KIF26B: variants seen among roughly 807,000 people sequenced by gnomAD.
KIF26B encodes the protein kinesin-like protein KIF26B.
KIF26B carries 63 observed loss-of-function variants against 151.2 expected under a neutral mutation model. That is an observed-to-expected ratio of 0.42 (90% CI 0.34 to 0.51). The LOEUF (loss-of-function observed/expected upper bound fraction) is 0.51. Ranked by LOEUF, KIF26B falls within the 20% of genes least tolerant of loss-of-function variation. The probability of loss-of-function intolerance (pLI) is 0.07; values close to 1 mark genes in which losing one functional copy is unlikely to be tolerated. For synonymous variants in KIF26B, 1,357 were observed against 1,262.1 expected (o/e 1.08, Z -1.59); for missense variants, 2,813 against 2,913.6 (o/e 0.97, Z 0.79).
intron 5 of KIF26B, among the ~76,000 whole-genome samples, chr1:245,574,444 G>A (rs965723771): frequency 6.6e-6 from 1 of 152,060 alleles, no homozygotes; most frequent in Non-Finnish European, 1.5e-5. Context: ...ATGCCTGACC[G>A]AGACCATTTA....
At position 245,687,630 on chromosome 1, in the gene KIF26B, G is replaced by A; in HGVS notation, c.4647G>A (p.Glu1549=). The change falls in exon 12 of 15, where the codon GAG becomes GAA. Residue 1549 remains glutamate (E), a synonymous_variant. Coordinates refer to ENST00000407071, the MANE Select transcript of KIF26B (RefSeq NM_018012.4). This position sits in a 1 kb window ranked among gnomAD's most constrained non-coding sequence, Gnocchi z 4.9. Reference sequence around the variant, plus strand: ...TTCAGAAGGCCAGCCGGCAGGAGGAGCCGGACAGCCTCTCCTATTACTGCG... The same window carrying A: ...TTCAGAAGGCCAGCCGGCAGGAGGAACCGGACAGCCTCTCCTATTACTGCG... ...RAFQKASRQE[E]PDSLSYYCAA... 1 of 1,565,812 alleles carries A rather than the reference G, an allele frequency of 6.4e-7. No homozygotes were observed. The highest frequency in any genetic ancestry group is 8.7e-7 in the Non-Finnish European group (1 of 1,155,592).
At chr1:245,226,236 G>T (rs114910320) in intron 2 of KIF26B, 1 of 152,238 alleles carries the variant, frequency 6.6e-6, no homozygotes, top group African/African-American at 2.4e-5. Context: ...TCCCCTGATC[G>T]TGAAAGAGAT....
chr1:245,567,849 C>T (rs762696251), intron 5 of KIF26B, among the ~76,000 whole-genome samples: 7 of 152,016 alleles, frequency 4.6e-5, no homozygotes, highest in Non-Finnish European at 7.4e-5. Context: ...TAATTTTCAT[C>T]TGAGTTAAGA....
chr1:245,650,061 A>T (rs1245700336), intron 10 of KIF26B, among the ~76,000 whole-genome samples: 1 of 152,138 alleles, frequency 6.6e-6, no homozygotes, highest in African/African-American at 2.4e-5. Context: ...CAGGCGCCAT[A>T]AATCAGTTCT....
chr1:245,555,362 C>T (rs150826361), intron 5 of KIF26B, among the ~76,000 whole-genome samples: 104 of 152,284 alleles, frequency 6.8e-4, no homozygotes, highest in African/African-American at 2.4e-3. Context: ...TGCTCCGGGA[C>T]GCTTCTCGCC....
chr1:245,434,291 A>G (rs1029618565), intron 4 of KIF26B, among the ~76,000 whole-genome samples: 2 of 152,226 alleles, frequency 1.3e-5, no homozygotes, highest in African/African-American at 4.8e-5. Context: ...CTTTGTTTTT[A>G]CCTTTGAGGA....
intron 3 of KIF26B, among the ~76,000 whole-genome samples, chr1:245,399,754 A>T (rs573531450): frequency 6.6e-6 from 1 of 152,218 alleles, no homozygotes; most frequent in Admixed American, 6.5e-5. Context: ...TGCCCTCCAG[A>T]AAAACTTGCT....
At position 245,677,244 on chromosome 1, in the gene KIF26B, T is replaced by C. The variant is rs2044368056; in HGVS notation, c.2259-6989T>C. 2.0e-5 allele frequency among the ~76,000 whole-genome samples: 3 copies of C among 152,182 alleles called. No individual in the cohort carries two copies. In the South Asian group the frequency reaches 6.2e-4, roughly 31 times the overall value. ...GCAGGGACCTCTTCTAAGCTCTCCT[T>C]GATGAGACAACTAATCATCGTGTAC... On this transcript the variant is annotated intron_variant, in intron 10 of 14. Transcript: ENST00000407071.
At chr1:245,186,961 A>T (rs2103530656) in intron 2 of KIF26B, among the ~76,000 whole-genome samples, 1 of 151,734 alleles carries the variant, frequency 6.6e-6, no homozygotes, top group Non-Finnish European at 1.5e-5. Flanking sequence ...GATTCAAGTG[A>T]TTCTCCTGCC....
intron 2 of KIF26B, among the ~76,000 whole-genome samples, chr1:245,286,881 G>T (rs1193255566): frequency 6.6e-6 from 1 of 152,170 alleles, no homozygotes; most frequent in African/African-American, 2.4e-5. Flanking sequence ...GCCGAGATAA[G>T]CAGATCACTT....
chr1:245,451,660 G>A, intron 4 of KIF26B, among the ~76,000 whole-genome samples: 1 of 140,640 alleles, frequency 7.1e-6, no homozygotes, highest in East Asian at 2.1e-4. Flanking sequence ...AAGTGCAGTG[G>A]CACAATCTCA....
rs1176066191 is a variant in KIF26B at position 245,375,098 on chromosome 1, A to AT, written c.999+7737dup. On this transcript the variant is annotated intron_variant, in intron 3 of 14. Transcript: ENST00000407071. The surrounding 1 kb of genome is among the most constrained non-coding windows in gnomAD (Gnocchi z 4.2). ...GATCATTTAATTTAATTTTATTATT[A>AT]TTTTTTGAGACGGCGTCTCACTCTG... Among the ~76,000 whole-genome samples the AT allele has an allele frequency of 6.6e-6, 1 of 152,078 alleles. No individual in the cohort carries two copies. The highest frequency in any genetic ancestry group is 1.5e-5 in the Non-Finnish European group (1 of 68,002).
intron 2 of KIF26B, among the ~76,000 whole-genome samples, chr1:245,280,459 A>G (rs1235669130): frequency 1.4e-5 from 2 of 143,666 alleles, no homozygotes; most frequent in Non-Finnish European, 1.5e-5. Context: ...TGAACCTGGG[A>G]GACAGAGCTT....
intron 2 of KIF26B, among the ~76,000 whole-genome samples, chr1:245,363,502 T>C (rs1295702933): frequency 6.6e-6 from 1 of 152,184 alleles, no homozygotes; most frequent in Non-Finnish European, 1.5e-5. Context: ...GGCCTCCTTT[T>C]CTCTTTTCTT....
chr1:245,187,108 G>C (rs1294534982), intron 2 of KIF26B, among the ~76,000 whole-genome samples: 1 of 152,152 alleles, frequency 6.6e-6, no homozygotes, highest in East Asian at 1.9e-4. Context: ...GTCCGCCTTG[G>C]ACTCCCAAAG....
chr1:245,384,529 C>G lies in KIF26B; in HGVS notation c.999+17162C>G, dbSNP rs1331389737. 5.3e-5 allele frequency among the ~76,000 whole-genome samples: 8 copies of G among 152,300 alleles called. No individual in the cohort carries two copies. In the South Asian group the frequency reaches 1.4e-3, roughly 28 times the overall value. ...CTCAAACTCCTGGGCTCAAGTGGTC[C>G]TCCCACTTTGACCTCCCACAGTGCT... On this transcript the variant is annotated intron_variant, in intron 3 of 14. Coordinates refer to ENST00000407071, the MANE Select transcript of KIF26B (RefSeq NM_018012.4).
At chr1:245,541,119 C>T (rs567704313) in intron 5 of KIF26B, among the ~76,000 whole-genome samples, 169 bp downstream of exon 5, 1 of 152,220 alleles carries the variant, frequency 6.6e-6, no homozygotes, top group Non-Finnish European at 1.5e-5. Context: ...TGGTTGCATA[C>T]ACTAAGTGGT....
In KIF26B at chr1:245,685,659, C is replaced by T. The variant is rs377066424; in HGVS notation, c.2676C>T (p.Ile892=). ...DNEGPPDFVP[I]VPALQKTRGD... ...AGGGCCCCCCAGACTTTGTCCCTAT[C>T]GTGCCAGCCCTGCAGAAGACCCGGG... Residue 892 remains isoleucine, a synonymous_variant, in exon 12 of 15, where the codon ATC becomes ATT. Coordinates refer to ENST00000407071, the MANE Select transcript of KIF26B (RefSeq NM_018012.4). 86 of 1,613,064 alleles carry T rather than the reference C, an allele frequency of 5.3e-5. 1 individual carries two copies. In the East Asian group the frequency reaches 7.1e-4, roughly 13 times the overall value.
chr1:245,246,493 C>G (rs1319061187), intron 2 of KIF26B, among the ~76,000 whole-genome samples: 1 of 152,188 alleles, frequency 6.6e-6, no homozygotes, highest in Admixed American at 6.5e-5. Flanking sequence ...GAGTCCCAGT[C>G]TCCCCACCAC....
Sources: allele counts gnomAD v4.1 joint callset (sites outside exome capture counted in the v4.1 genomes callset), GRCh38; gene constraint gnomAD v4.1.1; non-coding constraint Gnocchi (gnomAD v3.1); transcripts MANE v1.5; gene names NCBI Gene and HGNC (gene_info 2026-07-23, HGNC 2026-07-21).